The following AHNAK variants were observed in gnomAD, a reference collection of about 807,000 sequenced individuals.
AHNAK encodes AHNAK nucleoprotein, also known as neuroblast differentiation-associated protein AHNAK.
Under a neutral mutation model 37.8 loss-of-function variants are expected in AHNAK, and 23 were observed. That is an observed-to-expected ratio of 0.61 (90% CI 0.44 to 0.86). The LOEUF is 0.86. Among genes scored for constraint, AHNAK ranks in the 40% least tolerant of loss-of-function variants. AHNAK has a pLI of 0.00. For synonymous variants in AHNAK, 2,481 were observed against 2,636.3 expected (o/e 0.94, Z 1.80); for missense variants, 7,411 against 7,319.4 (o/e 1.01, Z -0.46).
In AHNAK at chr11:62,516,924, CTT is replaced by C; in HGVS notation, c.17491_17492del (p.Lys5831GlufsTer6). ...CAGTCACCTCATAATGACCTTTGCTCTTTGACCCCAATCCACCAAAGGTACCG... is the reference window on the plus strand; with the variant it reads ...CAGTCACCTCATAATGACCTTTGCTCTGACCCCAATCCACCAAAGGTACCG... ...KFGTFGGLGS[K>X]SKGHYEVTGS... On this transcript the variant is annotated frameshift_variant, in exon 5 of 5. Transcript: ENST00000378024. LOFTEE classifies it high-confidence loss of function. 6.2e-7 allele frequency: 1 copy of C among 1,614,172 alleles called. No individual in the cohort carries two copies. The highest frequency in any genetic ancestry group is 1.1e-5 in the South Asian group (1 of 91,078).
Position 62,525,549 on chromosome 11 carries a change from C to T in AHNAK, c.8868G>A (p.Met2956Ile), listed in dbSNP as rs777800328. ...LKGPKFKMPEMNIKAPKIPMP... is the reference protein window; with the variant it reads ...LKGPKFKMPEINIKAPKIPMP... ...TGGGGATCTTGGGGGCTTTGATATT[C>T]ATCTCTGGCATCTTGAACTTGGGCC... Residue 2956 changes from methionine to isoleucine, a missense_variant, in exon 5 of 5, where the codon ATG becomes ATA. By Grantham distance (10) the Met-to-Ile change is conservative. Coordinates refer to ENST00000378024, the MANE Select transcript of AHNAK (RefSeq NM_001620.3). The T allele has an allele frequency of 6.2e-7, 1 of 1,614,006 alleles. No homozygotes were observed. The highest frequency in any genetic ancestry group is 8.5e-7 in the Non-Finnish European group (1 of 1,180,016).
Position 62,526,841 on chromosome 11 carries a change from C to T in AHNAK, c.7576G>A (p.Glu2526Lys), listed in dbSNP as rs750483775. ...PKFSMPGFKA[E>K]GPEVDVNLPK... ...AAGTTGACGTCTACTTCAGGGCCCTCTGCTTTGAAGCCAGGCATGCTGAAC... is the reference window on the plus strand; with the variant it reads ...AAGTTGACGTCTACTTCAGGGCCCTTTGCTTTGAAGCCAGGCATGCTGAAC... Residue 2526 changes from glutamate to lysine, a missense_variant, in exon 5 of 5, where the codon GAG becomes AAG. Physicochemically the swap from Glu to Lys is moderately conservative, Grantham distance 56. Transcript: ENST00000378024. 6 of 1,613,836 alleles carry T rather than the reference C, an allele frequency of 3.7e-6. No homozygotes were observed. Among genetic ancestry groups the T allele is most frequent in the Non-Finnish European group, 4.2e-6 (5 of 1,179,980 alleles).
Position 62,517,416 on chromosome 11 carries a change from G to A in AHNAK, c.17001C>T (p.Thr5667=), listed in dbSNP as rs11555628. The change falls in exon 5 of 5, where the codon ACC becomes ACT. Residue 5667 remains threonine, a synonymous_variant. Transcript: ENST00000378024. ...TFPKMKIPKF[T]FSGRELVGRE... is the part of the protein sequence containing the mutation. Reference sequence around the variant, plus strand: ...TGCCAACCAGCTCACGGCCAGAGAAGGTAAATTTGGGGATCTTCATTTTAG... The same window carrying A: ...TGCCAACCAGCTCACGGCCAGAGAAAGTAAATTTGGGGATCTTCATTTTAG... 0.045 allele frequency: 72,644 copies of A among 1,614,132 alleles called. 1,926 individuals carry two copies. Among genetic ancestry groups the A allele is most frequent in the Non-Finnish European group, 0.053 (62,812 of 1,180,032 alleles).
At chr11:62,440,788 G>C (rs138827870) in intron 5 of AHNAK, among the ~76,000 whole-genome samples, 73 of 152,266 alleles carry the variant, frequency 4.8e-4, no homozygotes, top group African/African-American at 1.7e-3. Flanking sequence ...AGGGCCCTCA[G>C]CCAAAATCTC....
chr11:62,520,437 G>T lies in AHNAK; in HGVS notation c.13980C>A (p.Phe4660Leu). 6.2e-7 allele frequency: 1 copy of T among 1,614,006 alleles called. No homozygotes were observed. Among genetic ancestry groups the T allele is most frequent in the Non-Finnish European group, 8.5e-7 (1 of 1,180,022 alleles). Residue 4660 changes from phenylalanine (F) to leucine (L), a missense_variant, in exon 5 of 5, where the codon TTC becomes TTA. Physicochemically the swap from Phe to Leu is conservative, Grantham distance 22. Coordinates refer to ENST00000378024, the MANE Select transcript of AHNAK (RefSeq NM_001620.3). ...CCTCTCCTTTGAAGCCAGGCATGCT[G>T]AACTTGGGCATTTTCACTTTGGGCA... ...LKMPKVKMPK[F>L]SMPGFKGEGP...
intron 5 of AHNAK, among the ~76,000 whole-genome samples, chr11:62,448,114 G>C (rs1202370033): frequency 6.6e-6 from 1 of 152,090 alleles, no homozygotes; most frequent in East Asian, 1.9e-4. Context: ...ATGAAGACCT[G>C]AGGAAGGAAA....
rs765515844 is a variant in AHNAK at position 62,532,591 on chromosome 11, T to C, written c.1826A>G (p.Lys609Arg). The C allele has an allele frequency of 1.7e-5, 27 of 1,614,080 alleles. No individual in the cohort carries two copies. The highest frequency in any genetic ancestry group is 1.8e-5 in the Non-Finnish European group (21 of 1,180,046). ...GACATCTGGGGCACTGACATCCACT[T>C]TGGGGCCTCTGACATCAACTTCAGG... is the stretch of plus-strand genomic sequence containing the variant. Reference protein sequence around the residue: ...KVPEVDVRGPKVDVSAPDVEA... With the variant: ...KVPEVDVRGPRVDVSAPDVEA... Residue 609 changes from lysine (K) to arginine (R), a missense_variant, in exon 5 of 5, where the codon AAA (lysine) becomes AGA (arginine). Coordinates refer to ENST00000378024, the MANE Select transcript of AHNAK (RefSeq NM_001620.3).
intron 1 of AHNAK, among the ~76,000 whole-genome samples, chr11:62,539,783 C>T (rs576242466): frequency 6.6e-6 from 1 of 152,370 alleles, no homozygotes; most frequent in East Asian, 1.9e-4. Context: ...AGTGGCTTCC[C>T]GGCCAGGTGG....
chr11:62,445,481 C>T (rs1426328993), intron 5 of AHNAK, among the ~76,000 whole-genome samples: 1 of 152,112 alleles, frequency 6.6e-6, no homozygotes, highest in African/African-American at 2.4e-5. Flanking sequence ...AATCCTACTC[C>T]CTGGGCCCCA....
chr11:62,477,341 T>G (rs1344744308), intron 5 of AHNAK, among the ~76,000 whole-genome samples: 1 of 152,086 alleles, frequency 6.6e-6, no homozygotes, highest in African/African-American at 2.4e-5. Context: ...CCGCAATTAT[T>G]TTTGCACCAA....
At chr11:62,459,409 G>A (rs528001259) in intron 5 of AHNAK, among the ~76,000 whole-genome samples, 1 of 152,232 alleles carries the variant, frequency 6.6e-6, no homozygotes, top group South Asian at 2.1e-4. Flanking sequence ...GTCATCCCTG[G>A]GGACGAGGAA....
intron 4 of AHNAK, among the ~76,000 whole-genome samples, chr11:62,497,204 G>C (rs916126076): frequency 2.0e-5 from 3 of 152,218 alleles, no homozygotes; most frequent in Non-Finnish European, 4.4e-5. Context: ...AGTGTTCTGA[G>C]CTGATCAAAG....
rs114724263 is a variant in AHNAK, at chr11:62,517,125, C to T, written c.17292G>A (p.Pro5764=). 5.0e-5 allele frequency: 80 copies of T among 1,612,932 alleles called. No individual in the cohort carries two copies. The highest frequency in any genetic ancestry group is 6.6e-5 in the South Asian group (6 of 90,992). The change falls in exon 5 of 5, where the codon CCG becomes CCA. Residue 5764 remains proline, a synonymous_variant. Transcript: ENST00000378024. The part of the protein sequence containing the change: ...EGEAEAEASS[P]KGKFSLFKSK... The stretch of plus-strand genomic sequence containing the variant: ...TTTTAAATAAGGAGAATTTGCCTTT[C>T]GGTGAAGAGGCTTCGGCCTCTGCCT...
At position 62,534,030 on chromosome 11, in the gene AHNAK, G is replaced by T. The variant is rs1385973585; in HGVS notation, c.387C>A (p.Ile129=). ...EEYQRIYTTK[I]KPRLKSEDGV... ...CATCTTCCGACTTCAGCCGTGGCTT[G>T]ATCTTCGTGGTGTAGATGCGCTGGT... Residue 129 remains isoleucine (I), a synonymous_variant, in exon 5 of 5, where the codon ATC becomes ATA. Coordinates refer to ENST00000378024, the MANE Select transcript of AHNAK (RefSeq NM_001620.3). 1 of 1,575,374 alleles carries T rather than the reference G, an allele frequency of 6.3e-7. No individual in the cohort carries two copies. The highest frequency in any genetic ancestry group is 1.7e-5 in the Admixed American group (1 of 57,204).
chr11:62,467,186 T>G (rs1213350182), intron 5 of AHNAK, among the ~76,000 whole-genome samples: 16 of 141,506 alleles, frequency 1.1e-4, no homozygotes, highest in African/African-American at 4.3e-4. Context: ...CACTCCAGTG[T>G]GGGTGACAAA....
Position 62,533,204 on chromosome 11 carries a change from C to G in AHNAK, c.1213G>C (p.Gly405Arg). The change falls in exon 5 of 5, where the codon GGG (glycine) becomes CGG (arginine). Residue 405 changes from glycine to arginine, a missense_variant. Physicochemically the swap from Gly to Arg is moderately radical, Grantham distance 125 (BLOSUM62 -2). Coordinates refer to ENST00000378024, the MANE Select transcript of AHNAK (RefSeq NM_001620.3). ...ACACTGGGGCCAGTGATGCTACCCC[C>G]AATTTGGGGAGCAGAGGCATCCACC... ...IGVDASAPQI[G>R]GSITGPSVEV... 6.5e-7 allele frequency: 1 copy of G among 1,527,574 alleles called. No individual in the cohort carries two copies. Among genetic ancestry groups the G allele is most frequent in the Admixed American group, 2.3e-5 (1 of 44,246 alleles). The allele number at this position is 1,527,574 out of a possible 1,614,324, so 94.6% of individuals were successfully genotyped here.
chr11:62,510,279 C>T (rs1590639353), intron 4 of AHNAK, among the ~76,000 whole-genome samples: 1 of 151,850 alleles, frequency 6.6e-6, no homozygotes. Flanking sequence ...TTCCTGACCT[C>T]AAGATCCACC....
chr11:62,477,767 A>C (rs928730178), intron 5 of AHNAK, among the ~76,000 whole-genome samples: 16 of 151,624 alleles, frequency 1.1e-4, no homozygotes, highest in South Asian at 8.3e-4. Context: ...GCGCCACTGC[A>C]CTCCAGCCTA....
In AHNAK at chr11:62,527,117, C is replaced by T. The variant is rs374129131; in HGVS notation, c.7300G>A (p.Gly2434Ser). 2.4e-5 allele frequency: 39 copies of T among 1,613,966 alleles called. No individual in the cohort carries two copies. Among genetic ancestry groups the T allele is most frequent in the Non-Finnish European group, 3.3e-5 (39 of 1,180,022 alleles). Residue 2434 changes from glycine to serine, a missense_variant, in exon 5 of 5, where the codon GGC (glycine) becomes AGC (serine). Gly to Ser is a moderately conservative substitution (Grantham distance 56). Transcript: ENST00000378024. ...GPDIDIEGPE[G>S]KLKGPKFKMP... ...TTGAACTTAGGGCCTTTCAATTTGC[C>T]CTCTGGTCCCTCAATGTCAATGTCT...
Sources: allele counts gnomAD v4.1 joint callset (sites outside exome capture counted in the v4.1 genomes callset), GRCh38; gene constraint gnomAD v4.1.1; transcripts MANE v1.5; gene names NCBI Gene and HGNC (gene_info 2026-07-23, HGNC 2026-07-21).